LGI1: variants seen among roughly 807,000 people sequenced by gnomAD.
The protein encoded by LGI1 is leucine rich glioma inactivated 1, also known as leucine-rich glioma-inactivated protein 1.
Under a neutral mutation model 57.7 loss-of-function variants are expected in LGI1, and 11 were observed. The ratio of observed to expected loss-of-function variants is 0.19; its 90% CI spans 0.12 to 0.32. LGI1 has a LOEUF of 0.32. LGI1 is among the 10% of genes least tolerant of loss of function. LGI1 has a pLI of 1.00. For synonymous variants in LGI1, 222 were observed against 241.9 expected (o/e 0.92, Z 0.76); for missense variants, 422 against 661.9 (o/e 0.64, Z 3.98).
chr10:93,772,455 A>T (rs1261328717), intron 2 of LGI1, among the ~76,000 whole-genome samples: 1 of 152,156 alleles, frequency 6.6e-6, no homozygotes, highest in African/African-American at 2.4e-5. Flanking sequence ...AATAGTAAAC[A>T]TTGGAATCGA....
rs746896164 is a variant in LGI1 at position 93,758,348 on chromosome 10, T to A, written c.204T>A (p.Asp68Glu). The change falls in exon 1 of 8, where the codon GAT becomes GAA. Residue 68 changes from aspartate to glutamate, a missense_variant. This residue lies in a region of LGI1 where 63 missense variants were observed against 138.4 expected (regional missense o/e 0.46). Transcript: ENST00000371418. The surrounding 1 kb of genome is among the most constrained non-coding windows in gnomAD (Gnocchi z 4.7). ...ARSIPRTVPP[D>E]VISLSFVRSG... ...CCATTCCACGCACCGTTCCTCCTGA[T>A]GTTATCTCATTGTAAGGCCCGTAAG... is the stretch of plus-strand genomic sequence containing the variant. The A allele has an allele frequency of 6.2e-7, 1 of 1,614,066 alleles. No individual in the cohort carries two copies. The highest frequency in any genetic ancestry group is 1.1e-5 in the South Asian group (1 of 91,078).
At position 93,794,041 on chromosome 10, in the gene LGI1, CAG is replaced by C. The variant is rs2059959273; in HGVS notation, c.838+694_838+695del. ...TTTCTTTTTTTTTTTTTTTTTGAGA[CAG>C]AGTCTCGCTCTGTCACCCAGGCTGG... On this transcript the variant is annotated intron_variant, in intron 7 of 7. Transcript: ENST00000371418. 3 of 107,584 alleles carry C rather than the reference CAG, an allele frequency of 2.8e-5. No individual in the cohort carries two copies. The South Asian group carries it at 9.0e-4, about 32-fold the overall frequency. The allele number at this position is 107,584 out of a possible 1,614,324, so 6.7% of individuals were successfully genotyped here.
At chr10:93,773,518 A>G (rs1018185551) in intron 2 of LGI1, among the ~76,000 whole-genome samples, 12 of 152,238 alleles carry the variant, frequency 7.9e-5, no homozygotes, top group African/African-American at 2.9e-4. Flanking sequence ...AGTCTATGAC[A>G]TGTAGGCTAT....
rs373423298 is a variant in LGI1, at chr10:93,775,756, G to A, written c.288-1623G>A. On this transcript the variant is annotated intron_variant, in intron 2 of 7. Transcript: ENST00000371418. ...ATCTGATTTAACATAAAGGGAAGTA[G>A]CAATGGAAACTATTTCTTCTGGCAA... Among the ~76,000 whole-genome samples the A allele has an allele frequency of 1.3e-3, 192 of 152,280 alleles. 1 individual carries two copies. Among genetic ancestry groups the A allele is most frequent in the African/African-American group, 4.5e-3 (188 of 41,554 alleles).
Position 93,798,020 on chromosome 10 carries a change from T to C in LGI1, c.*217T>C, listed in dbSNP as rs1328143508. On this transcript the variant is annotated 3_prime_UTR_variant, in exon 8 of 8. Transcript: ENST00000371418. ...AAGACAAAATTTAATTGTGTAACTG[T>C]TCTTTGCAGTGAAGATGTGTAAATA... 2 of 590,458 alleles carry C rather than the reference T, an allele frequency of 3.4e-6. No homozygotes were observed. Among genetic ancestry groups the C allele is most frequent in the Non-Finnish European group, 3.0e-6 (1 of 331,200 alleles). 36.6% of individuals were successfully genotyped at this position (590,458 alleles called of 1,614,324 possible). A position where few individuals can be genotyped will look rare whatever the true frequency, so the allele number is the denominator to read the frequency against.
intron 6 of LGI1, 27 bp from the exon 7 acceptor site, chr10:93,793,159 G>A: frequency 6.3e-7 from 1 of 1,579,656 alleles, no homozygotes; most frequent in Non-Finnish European, 8.7e-7. Context: ...TTAGCTCACA[G>A]TTACTTATTA....
rs1111820 is a variant in LGI1, at chr10:93,792,896, T to C, written c.657T>C (p.Phe219=). The change falls in exon 6 of 8, where the codon TTT becomes TTC. Residue 219 remains phenylalanine (F), a synonymous_variant. Transcript: ENST00000371418. ...RKINSLSSKD[F]DCIITEFAKS... ...TCAATAGTCTCTCCTCGAAGGATTT[T>C]GATTGCATCATTACAGGTAATGTAC... 1,606,525 of 1,614,040 alleles carry C rather than the reference T, an allele frequency of 1. 799,726 individuals are homozygous for C. The highest frequency in any genetic ancestry group is 1 in the East Asian group (44,858 of 44,860).
At chr10:93,768,827 A>C (rs1436061225) in intron 2 of LGI1, 1 of 152,228 alleles carries the variant, frequency 6.6e-6, no homozygotes, top group Non-Finnish European at 1.5e-5. Context: ...ATCTGTAAAA[A>C]GAGGAGTTGG....
At chr10:93,778,409 ACT>A (rs1286980494) in intron 4 of LGI1, among the ~76,000 whole-genome samples, 1 of 151,442 alleles carries the variant, frequency 6.6e-6, no homozygotes, top group African/African-American at 2.4e-5. Flanking sequence ...ACACACACAC[ACT>A]CACACACACA....
chr10:93,788,998 G>A (rs948881512), intron 4 of LGI1: 5 of 152,070 alleles, frequency 3.3e-5, no homozygotes, highest in Non-Finnish European at 7.4e-5. Context: ...TACACTACTT[G>A]GTGACCTTCC....
chr10:93,791,002 A>G (rs981243690), intron 5 of LGI1: 2 of 152,244 alleles, frequency 1.3e-5, no homozygotes, highest in African/African-American at 4.8e-5. Flanking sequence ...ATATATTCAA[A>G]ACAACTTTTC....
rs58194852 is a variant in LGI1 at position 93,790,571 on chromosome 10, C to T, written c.503+401C>T. On this transcript the variant is annotated intron_variant, in intron 5 of 7. Transcript: ENST00000371418. ...CTGACAGAATAAAGATGAAAGGTTACATCCTTGGGTTGGTCAATCAACAGA... is the reference window on the plus strand; with the variant it reads ...CTGACAGAATAAAGATGAAAGGTTATATCCTTGGGTTGGTCAATCAACAGA... 1.0e-3 allele frequency: 207 copies of T among 200,530 alleles called. 1 individual carries two copies. The highest frequency in any genetic ancestry group is 4.5e-3 in the African/African-American group (191 of 42,024). The allele number at this position is 200,530 out of a possible 1,614,324, so 12.4% of individuals were successfully genotyped here. A position where few individuals can be genotyped will look rare whatever the true frequency, so the allele number is the denominator to read the frequency against.
chr10:93,793,465 AT>A (rs760551519), intron 7 of LGI1, 115 bp downstream of exon 7: 13 of 914,322 alleles, frequency 1.4e-5, no homozygotes, highest in Non-Finnish European at 2.3e-5. Flanking sequence ...CAACTCTACC[AT>A]TTGTTAAGTG....
chr10:93,785,414 T>G (rs968748262), intron 4 of LGI1, among the ~76,000 whole-genome samples: 3 of 152,200 alleles, frequency 2.0e-5, no homozygotes, highest in Non-Finnish European at 4.4e-5. Flanking sequence ...GAAATTCATA[T>G]CCTTTACTCA....
chr10:93,777,495 A>G, intron 3 of LGI1, 45 bp downstream of exon 3: 1 of 1,607,494 alleles, frequency 6.2e-7, no homozygotes, highest in Non-Finnish European at 8.5e-7. Flanking sequence ...CAGGACAAGT[A>G]CTCTCAAGTT....
intron 4 of LGI1, 171 bp from the exon 5 acceptor site, chr10:93,789,928 T>C: frequency 1.6e-6 from 1 of 640,110 alleles, no homozygotes; most frequent in Non-Finnish European, 2.7e-6. Context: ...GGTTAGGAAC[T>C]GAAAGGACAA....
intron 2 of LGI1, among the ~76,000 whole-genome samples, chr10:93,761,628 A>G (rs1374918081): frequency 6.6e-6 from 1 of 152,200 alleles, no homozygotes; most frequent in Non-Finnish European, 1.5e-5. Flanking sequence ...GTTTGGGAAA[A>G]GATCCTGGTA....
intron 7 of LGI1, chr10:93,794,009 C>CTTTTTTTTTTTTTTTTTTTT (rs1262054438): frequency 8.9e-6 from 1 of 112,250 alleles, no homozygotes; most frequent in Non-Finnish European, 1.7e-5. Flanking sequence ...TTTCTTTTTT[C>CTTTTTTTTTTTTTTTTTTTT]TTTTTTTTTC....
At chr10:93,760,668 C>A (rs2059613204) in intron 2 of LGI1, among the ~76,000 whole-genome samples, 1 of 152,128 alleles carries the variant, frequency 6.6e-6, no homozygotes, top group Admixed American at 6.6e-5. Context: ...AGATGCTGGA[C>A]AATGTTATAG....
Sources: gnomAD v4.1 joint callset for allele counts (sites outside exome capture counted in the v4.1 genomes callset) on GRCh38, gnomAD v4.1.1 for gene constraint, gnomAD v4.1.1 regional missense constraint, Gnocchi (gnomAD v3.1) non-coding constraint, MANE v1.5 for transcripts, NCBI Gene and HGNC (gene_info 2026-07-23, HGNC 2026-07-21) for gene names.